The following MAP3K3 variants were observed in gnomAD, a reference collection of about 807,000 sequenced individuals.
MAP3K3 encodes the protein MAP/ERK kinase kinase 3.
A neutral mutation model predicts 80.9 loss-of-function variants in MAP3K3; 12 were observed. That is an observed-to-expected ratio of 0.15 (90% CI 0.10 to 0.24). The LOEUF (loss-of-function observed/expected upper bound fraction) is 0.24. Ranked by LOEUF, MAP3K3 falls within the 10% of genes least tolerant of loss-of-function variation. The probability of loss-of-function intolerance (pLI) is 1.00; values close to 1 mark genes in which losing one functional copy is unlikely to be tolerated. For missense variants in MAP3K3, 596 were observed against 834.7 expected (o/e 0.71, Z 3.52); for synonymous variants, 272 against 307.1 (o/e 0.89, Z 1.19).
chr17:63,668,445 C>T (rs541920040), intron 6 of MAP3K3: 3 of 152,348 alleles, frequency 2.0e-5, no homozygotes, highest in Admixed American at 1.3e-4. Context: ...GAGAGCCTAG[C>T]CACAGCGTCT....
chr17:63,640,171 T>C (rs57701766), intron 2 of MAP3K3, among the ~76,000 whole-genome samples: 2,581 of 152,258 alleles, frequency 0.017, 71 homozygotes, highest in African/African-American at 0.058. Context: ...TCCAAGCTGC[T>C]TGGGAGGCTG....
chr17:63,687,564 C>T (rs192258956), intron 8 of MAP3K3, among the ~76,000 whole-genome samples: 3 of 150,174 alleles, frequency 2.0e-5, no homozygotes, highest in Non-Finnish European at 4.4e-5. Context: ...GTGGCACATG[C>T]CTGTAGTCCC....
At chr17:63,673,280 CAT>C (rs2035147043) in intron 6 of MAP3K3, among the ~76,000 whole-genome samples, 1 of 152,294 alleles carries the variant, frequency 6.6e-6, no homozygotes, top group South Asian at 2.1e-4. Context: ...GTTTTTCAAA[CAT>C]GTGAAGCCAG....
intron 5 of MAP3K3, among the ~76,000 whole-genome samples, chr17:63,663,921 A>C (rs2034946284): frequency 6.6e-6 from 1 of 152,064 alleles, no homozygotes; most frequent in Admixed American, 6.6e-5. Context: ...TATTATTCTG[A>C]AATTGTGTAG....
At chr17:63,668,001 G>T (rs1005639401) in intron 6 of MAP3K3, 1 of 152,164 alleles carries the variant, frequency 6.6e-6, no homozygotes, top group East Asian at 1.9e-4. Flanking sequence ...TGGGAGTCTG[G>T]GGAGAAAGCC....
chr17:63,689,812 C>A lies in MAP3K3; in HGVS notation c.1063+77C>A. 7.0e-7 allele frequency: 1 copy of A among 1,429,240 alleles called. No individual in the cohort carries two copies. Among genetic ancestry groups the A allele is most frequent in the Non-Finnish European group, 9.5e-7 (1 of 1,055,786 alleles). 88.5% of individuals were successfully genotyped at this position (1,429,240 alleles called of 1,614,324 possible). A position where few individuals can be genotyped will look rare whatever the true frequency, so the allele number is the denominator to read the frequency against. On this transcript the variant is annotated intron_variant, in intron 11 of 15. Coordinates refer to ENST00000361733, the MANE Select transcript of MAP3K3 (RefSeq NM_002401.5). The surrounding 1 kb of genome is among the most constrained non-coding windows in gnomAD (Gnocchi z 4.3). ...GCTACGGGGGCAAACAGCTGGGCCC[C>A]TGGGACCCTTAGGCTCAGCAGGTGG...
intron 4 of MAP3K3, among the ~76,000 whole-genome samples, chr17:63,656,908 A>C (rs1162982400): frequency 1.3e-5 from 2 of 152,146 alleles, no homozygotes; most frequent in African/African-American, 4.8e-5. Context: ...ACTTACAATC[A>C]TGACGGAAGG....
intron 6 of MAP3K3, among the ~76,000 whole-genome samples, chr17:63,675,081 T>C (rs2035189954): frequency 6.6e-6 from 1 of 152,178 alleles, no homozygotes; most frequent in East Asian, 1.9e-4. Context: ...AGTTCTATGA[T>C]GCTACATGAG....
At chr17:63,662,951 A>C (rs573515428) in intron 5 of MAP3K3, among the ~76,000 whole-genome samples, 1 of 151,992 alleles carries the variant, frequency 6.6e-6, no homozygotes, top group South Asian at 2.1e-4. Context: ...CTGGGATTAC[A>C]GTTGTGAGCC....
chr17:63,675,875 T>C (rs1871663456), intron 6 of MAP3K3, among the ~76,000 whole-genome samples: 1 of 152,266 alleles, frequency 6.6e-6, no homozygotes, highest in African/African-American at 2.4e-5. Flanking sequence ...CTTTGGGCTG[T>C]CTGGCTCATT....
chr17:63,672,271 A>T, intron 6 of MAP3K3, among the ~76,000 whole-genome samples: 1 of 151,366 alleles, frequency 6.6e-6, no homozygotes. Context: ...CAACAAGAGC[A>T]AAACTCCATC....
At chr17:63,670,402 G>A (rs1445544874) in intron 6 of MAP3K3, among the ~76,000 whole-genome samples, 1 of 151,940 alleles carries the variant, frequency 6.6e-6, no homozygotes, top group African/African-American at 2.4e-5. Flanking sequence ...GACCAACACA[G>A]TAAAACCCCG....
intron 1 of MAP3K3, among the ~76,000 whole-genome samples, chr17:63,627,462 G>A (rs11657306): frequency 0.38 from 56,791 of 149,210 alleles, 14,007 homozygotes; most frequent in African/African-American, 0.71. Flanking sequence ...TTTTTTTTTG[G>A]GGTGGAGTTT....
chr17:63,651,516 A>C (rs1346571276), intron 3 of MAP3K3, among the ~76,000 whole-genome samples: 1 of 152,102 alleles, frequency 6.6e-6, no homozygotes, highest in Admixed American at 6.6e-5. Context: ...TTATTATGGA[A>C]ATTTCAAGCA....
At position 63,689,472 on chromosome 17, in the gene MAP3K3, G is replaced by T; in HGVS notation, c.872-72G>T. 2 of 1,385,034 alleles carry T rather than the reference G, an allele frequency of 1.4e-6. No homozygotes were observed. Among genetic ancestry groups the T allele is most frequent in the South Asian group, 2.7e-5 (2 of 74,128 alleles). 85.8% of individuals were successfully genotyped at this position (1,385,034 alleles called of 1,614,324 possible). A position where few individuals can be genotyped will look rare whatever the true frequency, so the allele number is the denominator to read the frequency against. ...CCGCCTTGTAGCCCGGGGTGTCTCA[G>T]ACCTGGTTTGTACGTTCCGCCTCGT... On this transcript the variant is annotated intron_variant, in intron 10 of 15. Coordinates refer to ENST00000361733, the MANE Select transcript of MAP3K3 (RefSeq NM_002401.5). This position sits in a 1 kb window ranked among gnomAD's most constrained non-coding sequence, Gnocchi z 4.3.
intron 3 of MAP3K3, among the ~76,000 whole-genome samples, chr17:63,646,730 A>G (rs1381274755): frequency 6.6e-6 from 1 of 152,206 alleles, no homozygotes; most frequent in Non-Finnish European, 1.5e-5. Context: ...TGGGAAGCCA[A>G]GGTAGAAGTT....
chr17:63,664,703 C>T (rs2034965602), intron 5 of MAP3K3, among the ~76,000 whole-genome samples: 1 of 152,128 alleles, frequency 6.6e-6, no homozygotes, highest in Non-Finnish European at 1.5e-5. Context: ...AATGATCAAA[C>T]ACCATCTTCT....
intron 1 of MAP3K3, among the ~76,000 whole-genome samples, chr17:63,629,299 A>G (rs778030658): frequency 6.6e-6 from 1 of 151,924 alleles, no homozygotes; most frequent in Non-Finnish European, 1.5e-5. Context: ...ATTTTTTTGT[A>G]TTTTTAGTAG....
rs969124494 is a variant in MAP3K3 at position 63,695,163 on chromosome 17, C to T, written c.*1386C>T. 2 of 152,220 alleles carry T rather than the reference C, an allele frequency of 1.3e-5. No individual in the cohort carries two copies. Among genetic ancestry groups the T allele is most frequent in the South Asian group, 4.1e-4 (2 of 4,824 alleles). 9.4% of individuals were successfully genotyped at this position (152,220 alleles called of 1,614,324 possible). On this transcript the variant is annotated 3_prime_UTR_variant, in exon 16 of 16. Coordinates refer to ENST00000361733, the MANE Select transcript of MAP3K3 (RefSeq NM_002401.5). The surrounding 1 kb of genome is among the most constrained non-coding windows in gnomAD (Gnocchi z 4.1). The stretch of plus-strand genomic sequence containing the variant: ...AGCTGGGGATTAGTGCCAGGCAGCC[C>T]TGCCAGCCATGCCTACATCCCCATG...
Sources: gnomAD v4.1 joint callset for allele counts (sites outside exome capture counted in the v4.1 genomes callset) on GRCh38, gnomAD v4.1.1 for gene constraint, Gnocchi (gnomAD v3.1) non-coding constraint, MANE v1.5 for transcripts, NCBI Gene and HGNC (gene_info 2026-07-23, HGNC 2026-07-21) for gene names.